TMEM132B: variants seen among roughly 807,000 people sequenced by gnomAD.
The protein encoded by TMEM132B is transmembrane protein 132B.
Under a neutral mutation model 90.8 loss-of-function variants are expected in TMEM132B, and 18 were observed. The observed-to-expected ratio is 0.20, with a 90% CI of 0.14 to 0.29. TMEM132B has a LOEUF of 0.29. Among genes scored for constraint, TMEM132B ranks in the 10% least tolerant of loss-of-function variants. The probability of loss-of-function intolerance (pLI) is 1.00; values close to 1 mark genes in which losing one functional copy is unlikely to be tolerated. For synonymous variants in TMEM132B, 504 were observed against 523.3 expected, an observed-to-expected ratio of 0.96 and a Z score of 0.50; for missense variants, 1,096 against 1,326.8, an observed-to-expected ratio of 0.83 and a Z score of 2.70.
At chr12:125,600,824 C>G (rs549845526) in intron 5 of TMEM132B, among the ~76,000 whole-genome samples, 8 of 152,186 alleles carry the variant, frequency 5.3e-5, no homozygotes, top group African/African-American at 1.9e-4. Context: ...ATCCTAGTCT[C>G]TGACAAAACA....
At chr12:125,278,954 T>C (rs893219695) in intron 1 of TMEM132B, among the ~76,000 whole-genome samples, 2 of 152,216 alleles carry the variant, frequency 1.3e-5, no homozygotes, top group East Asian at 3.8e-4. Flanking sequence ...AAGATCTGTT[T>C]GGCCACCTCT....
chr12:125,313,344 A>G (rs901432968), intron 1 of TMEM132B, among the ~76,000 whole-genome samples: 1 of 151,884 alleles, frequency 6.6e-6, no homozygotes. Flanking sequence ...TGATGCACAT[A>G]TTTCTCTTTT....
chr12:125,448,177 T>C (rs1424871225), intron 3 of TMEM132B, among the ~76,000 whole-genome samples: 1 of 152,042 alleles, frequency 6.6e-6, no homozygotes, highest in African/African-American at 2.4e-5. Context: ...GACAGGAGAA[T>C]TGCTTGAACC....
intron 4 of TMEM132B, among the ~76,000 whole-genome samples, chr12:125,547,846 A>G (rs144235346): frequency 2.0e-5 from 3 of 152,288 alleles, no homozygotes; most frequent in African/African-American, 7.2e-5. Flanking sequence ...ATGCCAAGAA[A>G]CAGCCAACTC....
At position 125,513,682 on chromosome 12, in the gene TMEM132B, T is replaced by G. The variant is rs558889897; in HGVS notation, c.1107-5757T>G. Among the ~76,000 whole-genome samples, 5 of 152,356 alleles carry G rather than the reference T, an allele frequency of 3.3e-5. No homozygotes were observed. The East Asian group carries it at 9.6e-4, about 29-fold the overall frequency. Reference sequence around the variant, plus strand: ...ACTTGTTGAGGATCTGCTTGGTTTCTACTCGCCCTTCAGGTCTCAGCTCAG... The same window carrying G: ...ACTTGTTGAGGATCTGCTTGGTTTCGACTCGCCCTTCAGGTCTCAGCTCAG... On this transcript the variant is annotated intron_variant, in intron 3 of 8. Transcript: ENST00000682704.
rs771932977 is a variant in TMEM132B at position 125,654,109 on chromosome 12, C to G, written c.2651C>G (p.Pro884Arg). The G allele has an allele frequency of 6.2e-7, 1 of 1,614,166 alleles. No individual in the cohort carries two copies. The highest frequency in any genetic ancestry group is 8.5e-7 in the Non-Finnish European group (1 of 1,180,034). ...FTSFPTQGKSPDPNNPSDLTV... is the reference protein window; with the variant it reads ...FTSFPTQGKSRDPNNPSDLTV... ...AGCTTCCCCACTCAAGGGAAGTCACCGGACCCCAATAATCCTAGTGACCTC... is the reference window on the plus strand; with the variant it reads ...AGCTTCCCCACTCAAGGGAAGTCACGGGACCCCAATAATCCTAGTGACCTC... Residue 884 changes from proline (P) to arginine (R), a missense_variant, in exon 9 of 9, where the codon CCG becomes CGG. Physicochemically the swap from Pro to Arg is moderately radical, Grantham distance 103 (BLOSUM62 -2). Coordinates refer to ENST00000682704, the MANE Select transcript of TMEM132B (RefSeq NM_001366854.1). The surrounding 1 kb of genome is among the most constrained non-coding windows in gnomAD (Gnocchi z 5.8).
intron 1 of TMEM132B, among the ~76,000 whole-genome samples, chr12:125,240,396 T>A (rs1482371442): frequency 6.6e-6 from 1 of 152,164 alleles, no homozygotes. Flanking sequence ...AGGGCTGTTA[T>A]TAGAGCTGAC....
chr12:125,440,298 T>A (rs1370150090), intron 3 of TMEM132B, among the ~76,000 whole-genome samples: 1 of 152,196 alleles, frequency 6.6e-6, no homozygotes, highest in East Asian at 1.9e-4. Context: ...CCATTTAATG[T>A]CTCTGCTGTC....
At chr12:125,543,691 T>G (rs1884016581) in intron 4 of TMEM132B, among the ~76,000 whole-genome samples, 1 of 152,178 alleles carries the variant, frequency 6.6e-6, no homozygotes, top group Non-Finnish European at 1.5e-5. Context: ...TTAAGAAGAT[T>G]ATAAACATCA....
chr12:125,473,304 C>A (rs757648282), intron 3 of TMEM132B, among the ~76,000 whole-genome samples: 2 of 152,178 alleles, frequency 1.3e-5, no homozygotes, highest in African/African-American at 4.8e-5. Context: ...CCACCCCCCA[C>A]CATTAATTTT....
At chr12:125,554,463 A>G (rs1452449100) in intron 4 of TMEM132B, among the ~76,000 whole-genome samples, 2 of 150,672 alleles carry the variant, frequency 1.3e-5, no homozygotes, top group African/African-American at 4.9e-5. Context: ...AAGATTTATC[A>G]ACAGTAGTCT....
At chr12:125,354,870 T>C (rs980835580) in intron 2 of TMEM132B, among the ~76,000 whole-genome samples, 1 of 152,198 alleles carries the variant, frequency 6.6e-6, no homozygotes, top group African/African-American at 2.4e-5. Flanking sequence ...CATTTACCCT[T>C]TCTATACATT....
At chr12:125,416,105 T>C (rs1880003372) in intron 3 of TMEM132B, among the ~76,000 whole-genome samples, 1 of 152,300 alleles carries the variant, frequency 6.6e-6, no homozygotes, top group Middle Eastern at 3.4e-3. Context: ...TGAATGAACT[T>C]GGCATTGCTG....
chr12:125,232,376 G>A (rs1444847884), intron 1 of TMEM132B, among the ~76,000 whole-genome samples: 1 of 151,728 alleles, frequency 6.6e-6, no homozygotes, highest in Non-Finnish European at 1.5e-5. Flanking sequence ...ATTACAGTCA[G>A]TTGATTTCTT....
chr12:125,253,206 A>G (rs1593056847), intron 1 of TMEM132B, among the ~76,000 whole-genome samples: 1 of 152,054 alleles, frequency 6.6e-6, no homozygotes, highest in African/African-American at 2.4e-5. Flanking sequence ...TCAGCACTTT[A>G]TCCACCTTGT....
chr12:125,199,047 A>G (rs866233213), intron 1 of TMEM132B, among the ~76,000 whole-genome samples: 3 of 152,242 alleles, frequency 2.0e-5, no homozygotes, highest in African/African-American at 7.2e-5. Flanking sequence ...TGGGAATTCT[A>G]TATTGTATAA....
chr12:125,430,775 C>A (rs1880477171), intron 3 of TMEM132B, among the ~76,000 whole-genome samples: 1 of 152,160 alleles, frequency 6.6e-6, no homozygotes, highest in Non-Finnish European at 1.5e-5. Flanking sequence ...CTGGAACTTA[C>A]ATCTATAGAA....
In TMEM132B at chr12:125,492,881, A is replaced by G. The variant is rs1389290908; in HGVS notation, c.1107-26558A>G. Among the ~76,000 whole-genome samples the G allele has an allele frequency of 6.6e-6, 1 of 152,192 alleles. No homozygotes were observed. The highest frequency in any genetic ancestry group is 1.5e-5 in the Non-Finnish European group (1 of 68,018). On this transcript the variant is annotated intron_variant, in intron 3 of 8. Transcript: ENST00000682704. The surrounding 1 kb of genome is among the most constrained non-coding windows in gnomAD (Gnocchi z 5.8). ...TTCCACCCTCAAGAGCTTGCAGTCC[A>G]GGAAGGGAGATGAAAATAAACCCGT...
chr12:125,372,858 G>T (rs867108465), intron 2 of TMEM132B, among the ~76,000 whole-genome samples: 1 of 152,072 alleles, frequency 6.6e-6, no homozygotes, highest in African/African-American at 2.4e-5. Flanking sequence ...TCTTTTCTAG[G>T]CTCCTGGAAC....
Sources: allele counts gnomAD v4.1 joint callset (sites outside exome capture counted in the v4.1 genomes callset), GRCh38; gene constraint gnomAD v4.1.1; non-coding constraint Gnocchi (gnomAD v3.1); transcripts MANE v1.5; gene names NCBI Gene and HGNC (gene_info 2026-07-23, HGNC 2026-07-21).